Variants in PDK1 observed in about 807,000 individuals in gnomAD.
The protein encoded by PDK1 is [Pyruvate dehydrogenase (acetyl-transferring)] kinase isozyme 1, mitochondrial.
In PDK1, 39 loss-of-function variants were observed where a neutral mutation model predicts 54.2. The ratio of observed to expected loss-of-function variants is 0.72; its 90% CI spans 0.56 to 0.94. The LOEUF (loss-of-function observed/expected upper bound fraction) is 0.94, where lower values mean the gene tolerates loss of function less well. Among genes scored for constraint, PDK1 ranks in the 40% least tolerant of loss-of-function variants. The pLI is 0.00. For missense variants in PDK1, 552 were observed against 566.0 expected (o/e 0.98, Z 0.25); for synonymous variants, 221 against 207.1 (o/e 1.07, Z -0.58).
chr2:172,564,685 A>C lies in PDK1; in HGVS notation c.593A>C (p.His198Pro). ...RISIRMLLNQ[H>P]SLLFGGKGKG... is the part of the protein sequence containing the mutation. ...TCAATTAGAATGTTACTCAATCAGC[A>C]CTGTAAGTGTCCCTCATGAGTCAAG... Residue 198 changes from histidine to proline, a missense_variant and splice_region_variant, in exon 4 of 11, where the codon CAC becomes CCC. Physicochemically the swap from His to Pro is moderately conservative, Grantham distance 77 (BLOSUM62 -2). Transcript: ENST00000282077. The C allele has an allele frequency of 6.2e-7, 1 of 1,611,170 alleles. No individual in the cohort carries two copies. The highest frequency in any genetic ancestry group is 8.5e-7 in the Non-Finnish European group (1 of 1,177,376).
chr2:172,684,226 G>A, the PDK1 span, among the ~76,000 whole-genome samples: 5 of 152,140 alleles, frequency 3.3e-5, no homozygotes, highest in African/African-American at 1.2e-4. Context: ...TTTGAGACCA[G>A]CCTGAGAAAC....
chr2:172,681,517 T>G, the PDK1 span, among the ~76,000 whole-genome samples: 2 of 152,232 alleles, frequency 1.3e-5, no homozygotes, highest in East Asian at 3.9e-4. Context: ...TCAGCTTCTG[T>G]CATTCATTCA....
At chr2:172,556,057 C>T, upstream of PDK1, 2 of 978,892 alleles carry the variant, frequency 2.0e-6, no homozygotes, top group Non-Finnish European at 2.7e-6. Flanking sequence ...AGCCGATCCC[C>T]GCCCCTGCTG....
chr2:172,652,018 A>T, the PDK1 span, among the ~76,000 whole-genome samples: 4 of 152,370 alleles, frequency 2.6e-5, no homozygotes, highest in Non-Finnish European at 5.9e-5. Flanking sequence ...ACAACAAAAA[A>T]AGAGAATTTT....
chr2:172,631,417 C>T, the PDK1 span, among the ~76,000 whole-genome samples: 108,626 of 151,636 alleles, frequency 0.72, 39,246 homozygotes, highest in Non-Finnish European at 0.77. Flanking sequence ...CCAACCTTCT[C>T]TGCTTGTGCA....
chr2:172,586,016 G>A lies in PDK1; in HGVS notation c.946-262G>A, dbSNP rs374705934. 9.9e-4 allele frequency among the ~76,000 whole-genome samples: 151 copies of A among 152,068 alleles called. 1 individual carries two copies. Among genetic ancestry groups the A allele is most frequent in the African/African-American group, 3.2e-3 (134 of 41,504 alleles). On this transcript the variant is annotated intron_variant, in intron 8 of 10. Transcript: ENST00000282077. The stretch of plus-strand genomic sequence containing the variant: ...CTGCCTCTACTAAAAAAAATTAGCC[G>A]GGCATGGTGGCAGGCGCCTGTAGTC...
At chr2:172,629,176 T>C in the PDK1 span, among the ~76,000 whole-genome samples, 1 of 152,020 alleles carries the variant, frequency 6.6e-6, no homozygotes. Context: ...ACATGTGATA[T>C]GGACAGGAGG....
At chr2:172,678,614 A>G in the PDK1 span, among the ~76,000 whole-genome samples, 1 of 152,228 alleles carries the variant, frequency 6.6e-6, no homozygotes, top group Non-Finnish European at 1.5e-5. Flanking sequence ...TTATAGCAAG[A>G]GGCCATATAG....
chr2:172,701,158 C>T, the PDK1 span, among the ~76,000 whole-genome samples: 2 of 152,150 alleles, frequency 1.3e-5, no homozygotes, highest in Non-Finnish European at 2.9e-5. Context: ...ACAACAAAAT[C>T]GGCCACTTGT....
the PDK1 span, among the ~76,000 whole-genome samples, chr2:172,620,035 G>A: frequency 3.9e-5 from 6 of 152,102 alleles, no homozygotes; most frequent in Non-Finnish European, 7.4e-5. Context: ...CGGTAGTGGC[G>A]TTCACCTGTA....
the PDK1 span, among the ~76,000 whole-genome samples, chr2:172,656,466 G>A: frequency 6.6e-6 from 1 of 152,130 alleles, no homozygotes; most frequent in Non-Finnish European, 1.5e-5. Context: ...CTCCCTTAGA[G>A]GAGCCTAGAG....
the PDK1 span, among the ~76,000 whole-genome samples, chr2:172,655,504 T>G: frequency 6.6e-6 from 1 of 152,242 alleles, no homozygotes; most frequent in African/African-American, 2.4e-5. Flanking sequence ...TATTTAACTT[T>G]CTTTTCACGT....
chr2:172,566,183 T>C (rs1688929027), intron 5 of PDK1, among the ~76,000 whole-genome samples: 1 of 152,120 alleles, frequency 6.6e-6, no homozygotes, highest in South Asian at 2.1e-4. Flanking sequence ...CTTTTTAGCA[T>C]ATAGACTTTT....
At chr2:172,627,950 C>T in the PDK1 span, among the ~76,000 whole-genome samples, 13 of 152,142 alleles carry the variant, frequency 8.5e-5, no homozygotes, top group African/African-American at 2.9e-4. Flanking sequence ...TCCCGCGGGG[C>T]GTGGAGAAAG....
intron 5 of PDK1, among the ~76,000 whole-genome samples, chr2:172,566,247 G>C (rs1248289152): frequency 6.6e-6 from 1 of 151,840 alleles, no homozygotes; most frequent in African/African-American, 2.4e-5. Flanking sequence ...ATTCAGCTTT[G>C]TCATGTCACA....
chr2:172,678,073 G>T, the PDK1 span, among the ~76,000 whole-genome samples: 2 of 152,152 alleles, frequency 1.3e-5, no homozygotes, highest in Non-Finnish European at 2.9e-5. Flanking sequence ...AGGAGGCTGA[G>T]TCAGGAGAAT....
the PDK1 span, among the ~76,000 whole-genome samples, chr2:172,683,219 C>T: frequency 5.9e-5 from 9 of 151,896 alleles, no homozygotes; most frequent in South Asian, 2.1e-4. Flanking sequence ...TGGTGGCAGG[C>T]GCCTATAGTC....
intron 6 of PDK1, among the ~76,000 whole-genome samples, chr2:172,567,641 A>G (rs1689028436): frequency 6.6e-6 from 1 of 152,264 alleles, no homozygotes; most frequent in Non-Finnish European, 1.5e-5. Context: ...CTAAAGCCAT[A>G]TTAACTCTTT....
At chr2:172,636,147 A>C in the PDK1 span, among the ~76,000 whole-genome samples, 1 of 152,244 alleles carries the variant, frequency 6.6e-6, no homozygotes, top group Admixed American at 6.5e-5. Flanking sequence ...AATGAGACAT[A>C]TCTACAGAAG....
Sources: gnomAD v4.1 joint callset for allele counts (sites outside exome capture counted in the v4.1 genomes callset) on GRCh38, gnomAD v4.1.1 for gene constraint, MANE v1.5 for transcripts, NCBI Gene and HGNC (gene_info 2026-07-23, HGNC 2026-07-21) for gene names.